MED16: variants seen among roughly 807,000 people sequenced by gnomAD.
MED16 encodes mediator complex subunit 16.
A neutral mutation model predicts 84.4 loss-of-function variants in MED16; 81 were observed. The observed-to-expected ratio is 0.96, with a 90% confidence interval of 0.80 to 1.15. MED16 has a LOEUF of 1.15. MED16 is among the 50% of genes most tolerant of loss of function. The probability of loss-of-function intolerance (pLI) is 0.00; values close to 1 mark genes in which losing one functional copy is unlikely to be tolerated. For missense variants in MED16, 1,585 were observed against 1,245.9 expected, an observed-to-expected ratio of 1.27 and a Z score of -4.10; for synonymous variants, 897 against 552.2, an observed-to-expected ratio of 1.62 and a Z score of -8.76.
At chr19:871,610 A>G (rs760947051) in intron 12 of MED16, 16 of 1,595,654 alleles carry the variant, frequency 1.0e-5, no homozygotes, top group South Asian at 1.1e-5. Context: ...AGGTGCCTGG[A>G]AGTGGCTGCC....
intron 13 of MED16, among the ~76,000 whole-genome samples, chr19:870,735 AT>A (rs1418539403): frequency 6.8e-6 from 1 of 146,820 alleles, no homozygotes; most frequent in Non-Finnish European, 1.5e-5. Flanking sequence ...AGCCGTATGG[AT>A]TCGGGGGGGT....
chr19:878,821 C>G (rs111532824), intron 8 of MED16, among the ~76,000 whole-genome samples: 13 of 5,992 alleles, frequency 2.2e-3, no homozygotes, highest in Admixed American at 3.8e-3. Context: ...CCAGCAGCTC[C>G]CCTTCCCCTG....
At chr19:877,900 C>G (rs12973585) in intron 8 of MED16, among the ~76,000 whole-genome samples, 283 of 106,228 alleles carry the variant, frequency 2.7e-3, no homozygotes, top group Middle Eastern at 6.0e-3. Context: ...TGCCCACCAG[C>G]CCCAGCCCCA....
Position 885,844 on chromosome 19 carries a change from T to C in MED16, c.805A>G (p.Thr269Ala). The C allele has an allele frequency of 6.2e-7, 1 of 1,613,736 alleles. No homozygotes were observed. Among genetic ancestry groups the C allele is most frequent in the Non-Finnish European group, 8.5e-7 (1 of 1,179,958 alleles). Reference sequence around the variant, plus strand: ...AACTTGTCCTTGCGGTTGAGGTCGGTGGTGCAGCGCATGAACAGGGAGGGC... The same window carrying C: ...AACTTGTCCTTGCGGTTGAGGTCGGCGGTGCAGCGCATGAACAGGGAGGGC... ...ILPSLFMRCT[T>A]DLNRKDKFPA... The change falls in exon 5 of 16, where the codon ACC becomes GCC. Residue 269 changes from threonine (T) to alanine (A), a missense_variant. Physicochemically the swap from Thr to Ala is moderately conservative, Grantham distance 58. Transcript: ENST00000325464.
chr19:871,523 T>C, intron 12 of MED16: 3 of 1,562,130 alleles, frequency 1.9e-6, no homozygotes, highest in Non-Finnish European at 2.6e-6. Context: ...CTGTGCCTTT[T>C]CCAGACACTG....
chr19:885,511 G>A (rs1397872018), intron 5 of MED16, among the ~76,000 whole-genome samples: 1 of 152,128 alleles, frequency 6.6e-6, no homozygotes, highest in Non-Finnish European at 1.5e-5. Context: ...AATGTGGGAG[G>A]TTGAGATTCA....
At chr19:877,344 T>C (rs979764519) in intron 8 of MED16, among the ~76,000 whole-genome samples, 164 bp from the exon 9 acceptor site, 12 of 152,256 alleles carry the variant, frequency 7.9e-5, no homozygotes, top group African/African-American at 2.9e-4. Flanking sequence ...TGTACCTTTC[T>C]GTCAGGGTCA....
intron 3 of MED16, 39 bp downstream of exon 3, chr19:890,098 C>T (rs1395890157): frequency 2.0e-5 from 29 of 1,460,102 alleles, no homozygotes; most frequent in South Asian, 9.7e-5. Flanking sequence ...CTCCGGGATC[C>T]GGGTCGCCAC....
chr19:885,415 T>G (rs1025800771), intron 5 of MED16, among the ~76,000 whole-genome samples: 2 of 150,976 alleles, frequency 1.3e-5, no homozygotes, highest in East Asian at 2.0e-4. Flanking sequence ...GACCTGCGGG[T>G]GGGATTCGGT....
At chr19:892,527 AC>A (rs939840907) in intron 1 of MED16, 2 of 143,134 alleles carry the variant, frequency 1.4e-5, no homozygotes, top group Non-Finnish European at 3.0e-5. Flanking sequence ...CATCCCAGGG[AC>A]CCCATAGCCT....
chr19:878,171 G>C (rs2036307522), intron 8 of MED16, among the ~76,000 whole-genome samples: 3 of 117,026 alleles, frequency 2.6e-5, no homozygotes, highest in Non-Finnish European at 3.4e-5. Context: ...GGTTGTCAAT[G>C]CCCACCGAGC....
chr19:871,042 G>A lies in MED16; in HGVS notation c.2310C>T (p.Leu770=), dbSNP rs201156340. The A allele has an allele frequency of 1.6e-5, 25 of 1,542,256 alleles. No individual in the cohort carries two copies. The highest frequency in any genetic ancestry group is 9.5e-5 in the South Asian group (8 of 83,780). ...GSAATLQLDG[L]ARAPGQPKID... is the part of the protein sequence containing the mutation. ...CAATGCAGGGACACACGCACCTGGC[G>A]AGGCCGTCGAGCTGCAGGGTGGCAG... is the stretch of plus-strand genomic sequence containing the variant. The change falls in exon 13 of 16, where the codon CTC becomes CTT. Residue 770 remains leucine, a synonymous_variant. Coordinates refer to ENST00000325464, the MANE Select transcript of MED16 (RefSeq NM_005481.3).
chr19:874,397 G>A (rs117463628), intron 10 of MED16, among the ~76,000 whole-genome samples: 3,886 of 152,104 alleles, frequency 0.026, 58 homozygotes, highest in Middle Eastern at 0.085. Flanking sequence ...CACACGAGTC[G>A]CCACGCCCAG....
At position 875,295 on chromosome 19, in the gene MED16, T is replaced by G. The variant is rs1177197296; in HGVS notation, c.1720A>C (p.Lys574Gln). 7.1e-7 allele frequency: 1 copy of G among 1,412,616 alleles called. No homozygotes were observed. Among genetic ancestry groups the G allele is most frequent in the Non-Finnish European group, 9.3e-7 (1 of 1,079,234 alleles). 87.5% of individuals were successfully genotyped at this position (1,412,616 alleles called of 1,614,324 possible). ...TCGGTCAGCCGGTCGCCGGGGCTCT[T>G]GTCAGGCGTGTTGAGAAAGTGGGGG... ...LRPHFLNTPD[K>Q]SPGDRLTEIC... is the part of the protein sequence containing the mutation. The change falls in exon 10 of 16, where the codon AAG becomes CAG. Residue 574 changes from lysine (K) to glutamine (Q), a missense_variant. By Grantham distance (53) the Lys-to-Gln change is moderately conservative. Transcript: ENST00000325464.
chr19:887,130 T>C (rs1000770496), intron 4 of MED16, among the ~76,000 whole-genome samples: 3 of 148,912 alleles, frequency 2.0e-5, no homozygotes, highest in Non-Finnish European at 4.4e-5. Flanking sequence ...TGTGAAAAAA[T>C]GCGAGGAAGA....
chr19:888,324 C>A (rs2036564588), intron 4 of MED16, among the ~76,000 whole-genome samples: 2 of 151,894 alleles, frequency 1.3e-5, no homozygotes, highest in Admixed American at 1.3e-4. Flanking sequence ...AAGTTCGAGA[C>A]CAGCCTGGCC....
At chr19:872,413 C>G (rs918475324) in intron 11 of MED16, among the ~76,000 whole-genome samples, 8 of 152,052 alleles carry the variant, frequency 5.3e-5, no homozygotes, top group Non-Finnish European at 1.2e-4. Flanking sequence ...CGTGGAGGAG[C>G]AGCCGCCCCC....
In MED16 at chr19:881,617, G is replaced by T; in HGVS notation, c.1083C>A (p.Ile361=). 6.2e-7 allele frequency: 1 copy of T among 1,612,770 alleles called. No individual in the cohort carries two copies. The highest frequency in any genetic ancestry group is 8.5e-7 in the Non-Finnish European group (1 of 1,179,952). The change falls in exon 7 of 16, where the codon ATC becomes ATA. Residue 361 remains isoleucine (I), a synonymous_variant. Coordinates refer to ENST00000325464, the MANE Select transcript of MED16 (RefSeq NM_005481.3). ...CCTTGAGGTCGGTGTTGGTGAGCGA[G>T]ATGGGCAGCTTGGGCAGCGCCACGG... The part of the protein sequence containing the change: ...VSAVALPKLP[I]SLTNTDLKVA...
At chr19:892,151 C>T (rs535929189) in intron 1 of MED16, among the ~76,000 whole-genome samples, 83 of 152,198 alleles carry the variant, frequency 5.5e-4, no homozygotes, top group Non-Finnish European at 9.9e-4. Context: ...TTTCGCTTCG[C>T]AAAGGCAAAA....
Sources: gnomAD v4.1 joint callset for allele counts (sites outside exome capture counted in the v4.1 genomes callset) on GRCh38, gnomAD v4.1.1 for gene constraint, MANE v1.5 for transcripts, NCBI Gene and HGNC (gene_info 2026-07-23, HGNC 2026-07-21) for gene names.